ZDHHC11B: variants seen among roughly 807,000 people sequenced by gnomAD.
The protein encoded by ZDHHC11B is probable palmitoyltransferase ZDHHC11B.
ZDHHC11B carries 17 observed loss-of-function variants against 42.3 expected under a neutral mutation model. The observed-to-expected ratio is 0.40, with a 90% CI of 0.27 to 0.60. The LOEUF (loss-of-function observed/expected upper bound fraction) is 0.60. ZDHHC11B is among the 20% of genes least tolerant of loss of function. The pLI is 0.41. For synonymous variants in ZDHHC11B, 123 were observed against 193.5 expected (o/e 0.64, Z 3.02); for missense variants, 262 against 463.2 (o/e 0.57, Z 3.99).
At chr5:720,222 T>C (rs752215541) in intron 12 of ZDHHC11B, among the ~76,000 whole-genome samples, 3 of 151,794 alleles carry the variant, frequency 2.0e-5, no homozygotes, top group Non-Finnish European at 4.4e-5. Flanking sequence ...TAAGACACAT[T>C]ACAGTTAGAT....
Position 732,932 on chromosome 5 carries a change from C to A in ZDHHC11B, c.1023+820G>T, listed in dbSNP as rs189899679. ...ATTGGCTGGGTGTGGTGGCACACAC[C>A]TGTACTTTCGGCTATTCGGGAGGCT... On this transcript the variant is annotated intron_variant, in intron 11 of 13. Transcript: ENST00000508859. Among the ~76,000 whole-genome samples the A allele has an allele frequency of 3.1e-4, 47 of 151,862 alleles. 1 individual carries two copies. The highest frequency in any genetic ancestry group is 1.1e-3 in the African/African-American group (44 of 41,246).
At chr5:726,298 C>T (rs909968303) in intron 12 of ZDHHC11B, among the ~76,000 whole-genome samples, 1 of 151,370 alleles carries the variant, frequency 6.6e-6, no homozygotes, top group Non-Finnish European at 1.5e-5. Context: ...GCGCAGCAGG[C>T]AGAGCCTGAA....
chr5:717,373 C>T (rs1741831876), intron 12 of ZDHHC11B, among the ~76,000 whole-genome samples: 1 of 151,736 alleles, frequency 6.6e-6, no homozygotes, highest in African/African-American at 2.4e-5. Flanking sequence ...TTTATGTGTG[C>T]TGGGCAGCTG....
intron 7 of ZDHHC11B, among the ~76,000 whole-genome samples, chr5:750,569 C>T (rs528864112): frequency 6.1e-5 from 8 of 130,728 alleles, no homozygotes; most frequent in South Asian, 6.4e-4. Flanking sequence ...GCTGGCATCA[C>T]GGGATCTGGG....
In ZDHHC11B at chr5:755,063, C is replaced by T; in HGVS notation, c.438G>A (p.Lys146=). Residue 146 remains lysine (K), a synonymous_variant, in exon 6 of 14, where the codon AAG becomes AAA. Coordinates refer to ENST00000508859, the MANE Select transcript of ZDHHC11B (RefSeq NM_001351303.2). ...AGTGGTGGTCGAAGCCGGACACACACTTATTGCAGGAAATGCAGTGTTTGG... is the reference window on the plus strand; with the variant it reads ...AGTGGTGGTCGAAGCCGGACACACATTTATTGCAGGAAATGCAGTGTTTGG... ...KKTKHCISCN[K]CVSGFDHHCK... 1 of 807,130 alleles carries T rather than the reference C, an allele frequency of 1.2e-6. No individual in the cohort carries two copies. Among genetic ancestry groups the T allele is most frequent in the Non-Finnish European group, 1.9e-6 (1 of 537,958 alleles). 50.0% of individuals were successfully genotyped at this position (807,130 alleles called of 1,614,324 possible). A position where few individuals can be genotyped will look rare whatever the true frequency, so the allele number is the denominator to read the frequency against.
chr5:730,483 G>C lies in ZDHHC11B; in HGVS notation c.1024-15C>G, dbSNP rs1038666620. On this transcript the variant is annotated splice_polypyrimidine_tract_variant and intron_variant, in intron 11 of 13. Coordinates refer to ENST00000508859, the MANE Select transcript of ZDHHC11B (RefSeq NM_001351303.2). ...TCATCTGCTTCCTGTGGGGGGAAGGGAAGCAAAATTCTTAGGATGAACAAA... is the reference window on the plus strand; with the variant it reads ...TCATCTGCTTCCTGTGGGGGGAAGGCAAGCAAAATTCTTAGGATGAACAAA... 1.3e-6 allele frequency: 2 copies of C among 1,555,204 alleles called. No homozygotes were observed. The highest frequency in any genetic ancestry group is 1.7e-6 in the Non-Finnish European group (2 of 1,160,910).
At chr5:717,338 G>C (rs762995715) in intron 12 of ZDHHC11B, among the ~76,000 whole-genome samples, 9 of 151,676 alleles carry the variant, frequency 5.9e-5, no homozygotes, top group East Asian at 1.9e-4. Flanking sequence ...TGTTACACTA[G>C]CCCAGCCAGC....
intron 12 of ZDHHC11B, among the ~76,000 whole-genome samples, chr5:718,107 A>G (rs1477023297): frequency 6.6e-6 from 1 of 151,908 alleles, no homozygotes; most frequent in Non-Finnish European, 1.5e-5. Flanking sequence ...AAATGAAAAT[A>G]AAAGCATGGC....
At chr5:713,920 C>T (rs383509) in intron 13 of ZDHHC11B, among the ~76,000 whole-genome samples, 31,388 of 96,402 alleles carry the variant, frequency 0.33, 6,992 homozygotes, top group African/African-American at 0.58. Flanking sequence ...TTTGTACCTC[C>T]TGAAAAGGTG....
chr5:784,511 G>A (rs1737109392), intron 1 of ZDHHC11B, among the ~76,000 whole-genome samples, 157 bp downstream of exon 1: 1 of 152,254 alleles, frequency 6.6e-6, no homozygotes, highest in African/African-American at 2.4e-5. Context: ...CCAATCCGGG[G>A]GCTCAGGGAC....
chr5:725,211 A>T (rs1742490534), intron 12 of ZDHHC11B, among the ~76,000 whole-genome samples: 1 of 150,470 alleles, frequency 6.6e-6, no homozygotes, highest in Admixed American at 6.6e-5. Flanking sequence ...GCCATCGGAG[A>T]ACCAGGAAGG....
chr5:761,807 G>T (rs1376637464), intron 4 of ZDHHC11B, among the ~76,000 whole-genome samples: 1 of 57,868 alleles, frequency 1.7e-5, no homozygotes, highest in Non-Finnish European at 3.1e-5. Flanking sequence ...CCACGGAGCA[G>T]ACAGGGGGAC....
At chr5:751,485 A>G (rs1374188940) in intron 6 of ZDHHC11B, among the ~76,000 whole-genome samples, 17 of 24,180 alleles carry the variant, frequency 7.0e-4, no homozygotes, top group South Asian at 3.8e-3. Context: ...GGGGGCATGC[A>G]GGGCAGGTGG....
chr5:780,102 A>G (rs1736852049), intron 1 of ZDHHC11B, among the ~76,000 whole-genome samples: 1 of 148,624 alleles, frequency 6.7e-6, no homozygotes, highest in Non-Finnish European at 1.5e-5. Context: ...AAAGGCTGAC[A>G]GTGGCTAGTG....
chr5:730,754 T>C (rs1335332391), intron 11 of ZDHHC11B, among the ~76,000 whole-genome samples: 1 of 151,688 alleles, frequency 6.6e-6, no homozygotes, highest in African/African-American at 2.4e-5. Flanking sequence ...AAAGAGGTAA[T>C]GGATGTTAGA....
intron 4 of ZDHHC11B, among the ~76,000 whole-genome samples, chr5:765,378 A>G (rs1460122640): frequency 2.4e-4 from 37 of 151,772 alleles, no homozygotes; most frequent in Admixed American, 2.2e-3. Flanking sequence ...TGTCTAGCTC[A>G]AGGTTTGTAA....
chr5:735,765 C>T (rs1031142176), intron 10 of ZDHHC11B, among the ~76,000 whole-genome samples: 1 of 149,794 alleles, frequency 6.7e-6, no homozygotes, highest in Non-Finnish European at 1.5e-5. Flanking sequence ...ACAACAAATG[C>T]TGAGAGAACT....
chr5:775,878 G>A lies in ZDHHC11B; in HGVS notation c.-229-6948C>T, dbSNP rs549944024. ...TGGGAAACAGGTTGGAGGGGTGGGG[G>A]CCGAGGCGCTCAGCAGTATTCAGGC... is the stretch of plus-strand genomic sequence containing the variant. On this transcript the variant is annotated intron_variant, in intron 1 of 13. Coordinates refer to ENST00000508859, the MANE Select transcript of ZDHHC11B (RefSeq NM_001351303.2). Among the ~76,000 whole-genome samples the A allele has an allele frequency of 2.7e-5, 4 of 149,072 alleles. No homozygotes were observed. In the East Asian group the frequency reaches 5.9e-4, roughly 22 times the overall value.
At chr5:783,146 GAAACCA>G (rs2150251590) in intron 1 of ZDHHC11B, among the ~76,000 whole-genome samples, 1 of 152,338 alleles carries the variant, frequency 6.6e-6, no homozygotes, top group East Asian at 1.9e-4. Flanking sequence ...GATCCCTTTA[GAAACCA>G]TGAAAGCTGC....
Sources: allele counts gnomAD v4.1 joint callset (sites outside exome capture counted in the v4.1 genomes callset), GRCh38; gene constraint gnomAD v4.1.1; transcripts MANE v1.5; gene names NCBI Gene and HGNC (gene_info 2026-07-23, HGNC 2026-07-21).